Variants in ZRSR2 observed in about 807,000 individuals in gnomAD.
ZRSR2 encodes the protein U2 small nuclear ribonucleoprotein auxiliary factor 35 kDa subunit-related protein 2.
In ZRSR2, 3 loss-of-function variants were observed where a neutral mutation model predicts 39.4. That is an observed-to-expected ratio of 0.08 (90% CI 0.03 to 0.20). ZRSR2 has a LOEUF of 0.20. Among genes scored for constraint, ZRSR2 ranks in the 10% least tolerant of loss-of-function variants. The probability of loss-of-function intolerance (pLI) is 1.00; values close to 1 mark genes in which losing one functional copy is unlikely to be tolerated. For missense variants in ZRSR2, 256 were observed against 391.5 expected (o/e 0.65, Z 2.92); for synonymous variants, 137 against 136.0 (o/e 1.01, Z -0.05).
At chrX:15,791,624 C>T (rs1932279514) in intron 2 of ZRSR2, among the ~76,000 whole-genome samples, 1 of 107,127 alleles carries the variant, frequency 9.3e-6, no homozygotes, top group Non-Finnish European at 1.9e-5. Flanking sequence ...CATTCACCAC[C>T]ACACCTGGCT....
At position 15,822,937 on chromosome X, in the gene ZRSR2, A is replaced by G. The variant is rs1215157851; in HGVS notation, c.1144A>G (p.Asn382Asp). The G allele has an allele frequency of 5.8e-6, 7 of 1,211,328 alleles. No homozygotes were observed. The highest frequency in any genetic ancestry group is 7.8e-6 in the Non-Finnish European group (7 of 895,524). ...DYYSRLRGRRNPSPDHSYKRN... is the reference protein window; with the variant it reads ...DYYSRLRGRRDPSPDHSYKRN... ...CTACAGCAGGCTGCGGGGAAGGAGA[A>G]ACCCTAGTCCAGACCACTCCTACAA... is the stretch of plus-strand genomic sequence containing the variant. Residue 382 changes from asparagine (N) to aspartate (D), a missense_variant, in exon 11 of 11, where the codon AAC becomes GAC. Physicochemically the swap from Asn to Asp is conservative, Grantham distance 23. Around this residue, in one of 3 missense-constraint regions of ZRSR2, gnomAD observed 111 missense variants for 116.7 expected, o/e 0.95. Coordinates refer to ENST00000307771, the MANE Select transcript of ZRSR2 (RefSeq NM_005089.4).
In ZRSR2 at chrX:15,820,055, G is replaced by A. The variant is rs1933065544; in HGVS notation, c.828-152G>A. 6 of 493,324 alleles carry A rather than the reference G, an allele frequency of 1.2e-5. No individual in the cohort carries two copies. In the East Asian group the frequency reaches 2.2e-4, roughly 18 times the overall value. 40.7% of individuals were successfully genotyped at this position (493,324 alleles called of 1,213,427 possible). ...TTCCTGAATAAATTGGGAGCTTTGG[G>A]AGCTTGACCATTTTAATGACTCTTC... is the stretch of plus-strand genomic sequence containing the variant. On this transcript the variant is annotated intron_variant, in intron 9 of 10. Transcript: ENST00000307771.
At chrX:15,811,647 C>T (rs746761185) in intron 7 of ZRSR2, among the ~76,000 whole-genome samples, 10 of 112,076 alleles carry the variant, frequency 8.9e-5, no homozygotes, top group African/African-American at 2.6e-4. Context: ...AGGATGGTCT[C>T]GATCTCTTGA....
Position 15,823,073 on chromosome X carries a change from G to A in ZRSR2, c.1280G>A (p.Arg427Lys). 8.3e-7 allele frequency: 1 copy of A among 1,210,559 alleles called. No individual in the cohort carries two copies. Among genetic ancestry groups the A allele is most frequent in the Non-Finnish European group, 1.1e-6 (1 of 894,772 alleles). Residue 427 changes from arginine (R) to lysine (K), a missense_variant, in exon 11 of 11, where the codon AGG becomes AAG. Transcript: ENST00000307771. Reference sequence around the variant, plus strand: ...AATTCACGAAGCAGAGGAAGAAATAGGGACCGCAGCAGGGACCGCAGCCGG... The same window carrying A: ...AATTCACGAAGCAGAGGAAGAAATAAGGACCGCAGCAGGGACCGCAGCCGG... ...RHNSRSRGRN[R>K]DRSRDRSRGR...
chrX:15,794,328 G>GC (rs1932378239), intron 2 of ZRSR2, among the ~76,000 whole-genome samples: 1 of 110,081 alleles, frequency 9.1e-6, no homozygotes, highest in South Asian at 3.9e-4. Flanking sequence ...GACTCTGACC[G>GC]CCCCCCGCCC....
intron 7 of ZRSR2, among the ~76,000 whole-genome samples, chrX:15,809,917 G>T (rs1557807): frequency 0.021 from 2,403 of 112,390 alleles, 26 homozygotes; most frequent in Middle Eastern, 0.032. Context: ...GTCAGTGAGT[G>T]TGCCCAGACT....
intron 2 of ZRSR2, among the ~76,000 whole-genome samples, chrX:15,791,952 G>T (rs996390264): frequency 4.5e-5 from 5 of 111,248 alleles, no homozygotes; most frequent in Non-Finnish European, 9.5e-5. Context: ...GTGAGCTACC[G>T]CCCCTGGCCC....
At chrX:15,796,796 T>G (rs1932482103) in intron 2 of ZRSR2, among the ~76,000 whole-genome samples, 2 of 81,937 alleles carry the variant, frequency 2.4e-5, no homozygotes, top group Admixed American at 1.4e-4. Flanking sequence ...TTTTTTTTTT[T>G]TTTTTTTTTT....
chrX:15,808,254 G>C lies in ZRSR2; in HGVS notation c.421G>C (p.Asp141His). ...EKEEALQKML[D>H]QAENELENGT... Reference sequence around the variant, plus strand: ...TTAGGAAGCTTTGCAGAAGATGCTGGATCAGGCTGAAAATGAGGTATTTTT... The same window carrying C: ...TTAGGAAGCTTTGCAGAAGATGCTGCATCAGGCTGAAAATGAGGTATTTTT... The change falls in exon 6 of 11, where the codon GAT (aspartate) becomes CAT (histidine). Residue 141 changes from aspartate (D) to histidine (H), a missense_variant. Around this residue, in one of 3 missense-constraint regions of ZRSR2, gnomAD observed 87 missense variants for 111.7 expected, o/e 0.78. Transcript: ENST00000307771. The C allele has an allele frequency of 2.5e-6, 3 of 1,205,685 alleles. No individual in the cohort carries two copies. Among genetic ancestry groups the C allele is most frequent in the South Asian group, 3.6e-5 (2 of 55,696 alleles).
chrX:15,819,433 C>T (rs1275664049), intron 9 of ZRSR2, among the ~76,000 whole-genome samples: 1 of 109,912 alleles, frequency 9.1e-6, no homozygotes, highest in Admixed American at 9.7e-5. Flanking sequence ...AAAAATTGGC[C>T]GAATGTGGTG....
intron 6 of ZRSR2, among the ~76,000 whole-genome samples, chrX:15,808,624 CTTTTTTTT>C (rs776535835): frequency 4.2e-5 from 4 of 94,901 alleles, no homozygotes; most frequent in South Asian, 9.4e-4. Context: ...CTCTTTTTTT[CTTTTTTTT>C]TTTTTTGAGA....
chrX:15,815,589 G>C (rs951982136), intron 7 of ZRSR2, 88 bp from the exon 8 acceptor site: 2 of 824,924 alleles, frequency 2.4e-6, no homozygotes, highest in African/African-American at 4.1e-5. Context: ...TTACAGGCGT[G>C]AGCCACCATG....
At chrX:15,795,880 T>C (rs933809126) in intron 2 of ZRSR2, among the ~76,000 whole-genome samples, 1 of 112,042 alleles carries the variant, frequency 8.9e-6, no homozygotes, top group African/African-American at 3.2e-5. Flanking sequence ...CCTAGCACTT[T>C]GGGAGGCCAA....
intron 6 of ZRSR2, among the ~76,000 whole-genome samples, chrX:15,808,753 C>T (rs1932837190): frequency 9.1e-6 from 1 of 109,676 alleles, no homozygotes; most frequent in South Asian, 3.9e-4. Context: ...TCCCAAGTAG[C>T]TGGGATTATA....
intron 7 of ZRSR2, among the ~76,000 whole-genome samples, chrX:15,811,216 G>C (rs1008034567): frequency 1.2e-4 from 13 of 112,000 alleles, no homozygotes; most frequent in African/African-American, 4.2e-4. Context: ...AAATGGTAAT[G>C]ATTGGTGTAA....
Position 15,799,985 on chromosome X carries a change from G to T in ZRSR2, c.203+32G>T, listed in dbSNP as rs774837167. 1.8e-5 allele frequency: 18 copies of T among 1,017,509 alleles called. No individual in the cohort carries two copies. In the East Asian group the frequency reaches 5.2e-4, roughly 29 times the overall value. 83.9% of individuals were successfully genotyped at this position (1,017,509 alleles called of 1,213,427 possible). On this transcript the variant is annotated intron_variant, in intron 3 of 10. Coordinates refer to ENST00000307771, the MANE Select transcript of ZRSR2 (RefSeq NM_005089.4). ...GCTAATTGAAACACTTAAAGTGAAT[G>T]AAGTTATTTTATTGGAATATTATCA...
intron 3 of ZRSR2, chrX:15,801,424 G>A: frequency 3.4e-6 from 1 of 293,078 alleles, no homozygotes; most frequent in South Asian, 3.2e-5. Context: ...GTAGAGATGG[G>A]GTTTCACCAT....
At chrX:15,803,593 A>G in intron 3 of ZRSR2, 95 bp from the exon 4 acceptor site, 1 of 1,039,774 alleles carries the variant, frequency 9.6e-7, no homozygotes, top group South Asian at 2.4e-5. Context: ...TGATATTTGA[A>G]TCAGTCCCAA....
chrX:15,810,009 C>T (rs747222173), intron 7 of ZRSR2, among the ~76,000 whole-genome samples: 1 of 111,755 alleles, frequency 8.9e-6, no homozygotes, highest in Non-Finnish European at 1.9e-5. Flanking sequence ...TGCCTTCGTT[C>T]TCTCATCTAT....
Sources: allele counts gnomAD v4.1 joint callset (sites outside exome capture counted in the v4.1 genomes callset), GRCh38; gene constraint gnomAD v4.1.1; regional missense constraint gnomAD v4.1.1; transcripts MANE v1.5; gene names NCBI Gene and HGNC (gene_info 2026-07-23, HGNC 2026-07-21).